The following USP45 variants were observed in gnomAD, a reference collection of about 807,000 sequenced individuals.
USP45 encodes ubiquitin specific peptidase 45.
A neutral mutation model predicts 95.8 loss-of-function variants in USP45; 89 were observed. That is an observed-to-expected ratio of 0.93 (90% confidence interval 0.78 to 1.11). The LOEUF is 1.11. Among genes scored for constraint, USP45 ranks in the 50% least tolerant of loss-of-function variants. The pLI is 0.00. For synonymous variants in USP45, 281 were observed against 316.2 expected (o/e 0.89, Z 1.18); for missense variants, 898 against 942.5 (o/e 0.95, Z 0.62).
chr6:99,449,536 G>C (rs1783375680), intron 13 of USP45, among the ~76,000 whole-genome samples: 1 of 151,992 alleles, frequency 6.6e-6, no homozygotes, highest in Admixed American at 6.5e-5. Context: ...CATAAAGCAA[G>C]TCCCCAGAGA....
In USP45 at chr6:99,443,609, C is replaced by G; in HGVS notation, c.2029G>C (p.Ala677Pro). Reference sequence around the variant, plus strand: ...TGGAGAATTAGGACAGCTGGAACAGCAGAAATGAGCAATTGCTTCCTGGCA... The same window carrying G: ...TGGAGAATTAGGACAGCTGGAACAGGAGAAATGAGCAATTGCTTCCTGGCA... The part of the protein sequence containing the change: ...TNARKQLLIS[A>P]VPAVLILHLK... The change falls in exon 15 of 18, where the codon GCT becomes CCT. Residue 677 changes from alanine (A) to proline (P), a missense_variant. Coordinates refer to ENST00000500704, the MANE Select transcript of USP45 (RefSeq NM_001346022.3). 1 of 1,609,348 alleles carries G rather than the reference C, an allele frequency of 6.2e-7. No homozygotes were observed. Among genetic ancestry groups the G allele is most frequent in the Non-Finnish European group, 8.5e-7 (1 of 1,177,360 alleles).
chr6:99,461,519 T>C, intron 13 of USP45: 1 of 985,420 alleles, frequency 1.0e-6, no homozygotes, highest in African/African-American at 1.7e-5. Context: ...ACTGGATTAT[T>C]TGCCTGTTAT....
At chr6:99,479,625 T>C (rs910345504) in intron 8 of USP45, among the ~76,000 whole-genome samples, 4 of 147,108 alleles carry the variant, frequency 2.7e-5, no homozygotes, top group Non-Finnish European at 6.0e-5. Flanking sequence ...AAAAAGATTA[T>C]TTGGATACAG....
chr6:99,462,562 C>G, intron 13 of USP45: 1 of 985,400 alleles, frequency 1.0e-6, no homozygotes, highest in Non-Finnish European at 1.2e-6. Flanking sequence ...TAGAATAAAG[C>G]ATATGCTCAA....
intron 16 of USP45, among the ~76,000 whole-genome samples, chr6:99,438,263 A>G (rs904654534): frequency 5.3e-5 from 8 of 152,322 alleles, no homozygotes; most frequent in African/African-American, 1.9e-4. Context: ...GTTAAGAGTA[A>G]GGCAGAAAAA....
intron 7 of USP45, among the ~76,000 whole-genome samples, chr6:99,484,802 A>G (rs1397460584): frequency 6.6e-6 from 1 of 152,024 alleles, no homozygotes; most frequent in Non-Finnish European, 1.5e-5. Flanking sequence ...AAAAAAAAAA[A>G]AAAGTGTTTT....
intron 4 of USP45, among the ~76,000 whole-genome samples, chr6:99,505,685 A>G (rs1167636468): frequency 2.4e-4 from 36 of 151,448 alleles, no homozygotes; most frequent in Admixed American, 2.4e-3. Flanking sequence ...CCAATGCTAC[A>G]TTACATGTTC....
chr6:99,466,090 C>T (rs1310555825), intron 11 of USP45, among the ~76,000 whole-genome samples: 2 of 151,766 alleles, frequency 1.3e-5, no homozygotes, highest in African/African-American at 2.4e-5. Context: ...GATCTCGGCT[C>T]ACTGCAACCC....
intron 8 of USP45, 106 bp downstream of exon 8, chr6:99,482,647 G>A (rs1004752457): frequency 8.8e-7 from 1 of 1,137,544 alleles, no homozygotes; most frequent in Non-Finnish European, 1.2e-6. Context: ...TCATAGTCAG[G>A]GCAATAAGAG....
intron 1 of USP45, among the ~76,000 whole-genome samples, chr6:99,514,394 C>A (rs1800653524): frequency 6.6e-6 from 1 of 152,190 alleles, no homozygotes; most frequent in Non-Finnish European, 1.5e-5. Context: ...CTGTTCAGCA[C>A]AAACCCAAAA....
chr6:99,445,898 T>G lies in USP45; in HGVS notation c.1874A>C (p.Tyr625Ser), dbSNP rs1448873185. 6.2e-7 allele frequency: 1 copy of G among 1,613,940 alleles called. No individual in the cohort carries two copies. Among genetic ancestry groups the G allele is most frequent in the Non-Finnish European group, 8.5e-7 (1 of 1,179,968 alleles). ...SKECSIQSCLYQFTSMELLMG... is the reference protein window; with the variant it reads ...SKECSIQSCLSQFTSMELLMG... Reference sequence around the variant, plus strand: ...TAGTAATTCCATAGATGTAAACTGGTAGAGACAGGACTGAATTGAACATTC... The same window carrying G: ...TAGTAATTCCATAGATGTAAACTGGGAGAGACAGGACTGAATTGAACATTC... The change falls in exon 14 of 18, where the codon TAC becomes TCC. Residue 625 changes from tyrosine to serine, a missense_variant. Coordinates refer to ENST00000500704, the MANE Select transcript of USP45 (RefSeq NM_001346022.3).
At chr6:99,510,039 G>A (rs930100898) in intron 2 of USP45, 82 bp downstream of exon 2, 102 of 1,068,910 alleles carry the variant, frequency 9.5e-5, no homozygotes, top group African/African-American at 6.9e-4. Context: ...GATCCTCAGC[G>A]TTCAAACCCA....
At chr6:99,487,085 G>A (rs1176097061) in intron 7 of USP45, among the ~76,000 whole-genome samples, 2 of 152,160 alleles carry the variant, frequency 1.3e-5, no homozygotes, top group African/African-American at 4.8e-5. Flanking sequence ...GTTTCAGGAA[G>A]CAGAGGTTTA....
chr6:99,434,805 G>T lies in USP45; in HGVS notation c.*911C>A, dbSNP rs1780210383. ...AATTTATATTTCAAAGCTATCCTATGGTCCTATATGGATTATCAACTTCTA... is the reference window on the plus strand; with the variant it reads ...AATTTATATTTCAAAGCTATCCTATTGTCCTATATGGATTATCAACTTCTA... On this transcript the variant is annotated 3_prime_UTR_variant, in exon 18 of 18. Coordinates refer to ENST00000500704, the MANE Select transcript of USP45 (RefSeq NM_001346022.3). 1 of 152,006 alleles carries T rather than the reference G, an allele frequency of 6.6e-6. No homozygotes were observed. The highest frequency in any genetic ancestry group is 1.5e-5 in the Non-Finnish European group (1 of 67,960). 9.4% of individuals were successfully genotyped at this position (152,006 alleles called of 1,614,324 possible).
chr6:99,501,444 C>G lies in USP45; in HGVS notation c.478+2321G>C, dbSNP rs566347445. 2.6e-5 allele frequency among the ~76,000 whole-genome samples: 4 copies of G among 152,298 alleles called. No homozygotes were observed. The South Asian group carries it at 8.3e-4, about 32-fold the overall frequency. ...TACCTCGTAACTTCATCTCTTTGCA[C>G]TCTCTCCTAACAAACCACGTTTCTG... On this transcript the variant is annotated intron_variant, in intron 5 of 17. Coordinates refer to ENST00000500704, the MANE Select transcript of USP45 (RefSeq NM_001346022.3).
intron 7 of USP45, among the ~76,000 whole-genome samples, chr6:99,483,799 C>T (rs1793046827): frequency 8.2e-6 from 1 of 122,070 alleles, no homozygotes; most frequent in Non-Finnish European, 1.6e-5. Flanking sequence ...GATTGCGCCA[C>T]TGCAGTCCGC....
chr6:99,494,214 T>G (rs139271111), intron 5 of USP45, among the ~76,000 whole-genome samples: 2 of 152,338 alleles, frequency 1.3e-5, no homozygotes, highest in East Asian at 3.9e-4. Context: ...AAAAGCAATT[T>G]AATTTACTCT....
intron 11 of USP45, 139 bp from the exon 12 acceptor site, chr6:99,465,275 A>C: frequency 1.8e-6 from 1 of 553,954 alleles, no homozygotes; most frequent in Non-Finnish European, 3.1e-6. Flanking sequence ...ATAGCAATTT[A>C]ATTGGGTATT....
At chr6:99,468,193 T>C (rs142816125) in intron 10 of USP45, 95 of 461,142 alleles carry the variant, frequency 2.1e-4, no homozygotes, top group African/African-American at 1.3e-3. Context: ...CATAAATCCA[T>C]TGATCCAAAC....
Sources: allele counts gnomAD v4.1 joint callset (sites outside exome capture counted in the v4.1 genomes callset), GRCh38; gene constraint gnomAD v4.1.1; transcripts MANE v1.5; gene names NCBI Gene and HGNC (gene_info 2026-07-23, HGNC 2026-07-21).